The following ARHGEF26 variants were observed in gnomAD, a reference collection of about 807,000 sequenced individuals.
The protein encoded by ARHGEF26 is Rho guanine nucleotide exchange factor 26, also known as Rho guanine nucleotide exchange factor (GEF) 26.
A neutral mutation model predicts 89.4 loss-of-function variants in ARHGEF26; 59 were observed. The ratio of observed to expected loss-of-function variants is 0.66; its 90% CI spans 0.54 to 0.82. The LOEUF (loss-of-function observed/expected upper bound fraction) is 0.82. ARHGEF26 is among the 40% of genes least tolerant of loss of function. The pLI is 0.00. For synonymous variants in ARHGEF26, 500 were observed against 428.4 expected, an observed-to-expected ratio of 1.17 and a Z score of -2.06; for missense variants, 1,234 against 1,085.6, an observed-to-expected ratio of 1.14 and a Z score of -1.92.
intron 11 of ARHGEF26, among the ~76,000 whole-genome samples, chr3:154,235,181 C>T (rs1280779289): frequency 2.6e-5 from 4 of 152,024 alleles, no homozygotes; most frequent in African/African-American, 9.6e-5. Context: ...TGTGTTTTCA[C>T]TGGGTTGTGT....
chr3:154,136,197 A>C (rs1718990075), intron 4 of ARHGEF26, among the ~76,000 whole-genome samples: 1 of 98,920 alleles, frequency 1.0e-5, no homozygotes, highest in African/African-American at 3.4e-5. Context: ...TGTAGTCAGA[A>C]ATGGTTTGAT....
intron 3 of ARHGEF26, among the ~76,000 whole-genome samples, 161 bp downstream of exon 3, chr3:154,124,610 T>A (rs893483352): frequency 6.6e-6 from 1 of 152,170 alleles, no homozygotes; most frequent in African/African-American, 2.4e-5. Flanking sequence ...TAAATTTTTA[T>A]CTAGTAATAC....
At chr3:154,168,775 C>T (rs1712215481) in intron 6 of ARHGEF26, among the ~76,000 whole-genome samples, 1 of 151,864 alleles carries the variant, frequency 6.6e-6, no homozygotes, top group South Asian at 2.1e-4. Flanking sequence ...TCTTATTGTC[C>T]CACTTTTCTT....
intron 11 of ARHGEF26, among the ~76,000 whole-genome samples, chr3:154,235,336 T>TGTGGGTTTTGTCATAAA (rs1384495099): frequency 4.0e-4 from 61 of 152,212 alleles, no homozygotes; most frequent in African/African-American, 1.4e-3. Flanking sequence ...TTAAGGGTTT[T>TGTGGGTTTTGTCATAAA]GTGGGTTTTG....
At chr3:154,196,305 G>T (rs1714287341) in intron 9 of ARHGEF26, among the ~76,000 whole-genome samples, 1 of 152,174 alleles carries the variant, frequency 6.6e-6, no homozygotes, top group South Asian at 2.1e-4. Flanking sequence ...GTTAGCTACT[G>T]ATAGAAATAT....
At chr3:154,159,314 T>C (rs956436995) in intron 6 of ARHGEF26, among the ~76,000 whole-genome samples, 34 of 152,222 alleles carry the variant, frequency 2.2e-4, no homozygotes, top group Non-Finnish European at 4.6e-4. Flanking sequence ...AGTTAAAACA[T>C]TGGTATTCTT....
At chr3:154,211,808 C>T (rs1375432304) in intron 9 of ARHGEF26, among the ~76,000 whole-genome samples, 2 of 151,378 alleles carry the variant, frequency 1.3e-5, no homozygotes, top group African/African-American at 2.4e-5. Flanking sequence ...AGTTGCAGAA[C>T]AATATAAATA....
intron 6 of ARHGEF26, among the ~76,000 whole-genome samples, chr3:154,175,418 A>G (rs1033115568): frequency 2.7e-5 from 4 of 148,732 alleles, no homozygotes; most frequent in Non-Finnish European, 6.0e-5. Flanking sequence ...CTACGGTTAA[A>G]TTTCAAGCTA....
intron 11 of ARHGEF26, among the ~76,000 whole-genome samples, chr3:154,237,118 C>T (rs1322820981): frequency 6.6e-6 from 1 of 152,154 alleles, no homozygotes; most frequent in East Asian, 1.9e-4. Context: ...AAACTGAGCC[C>T]AGCAGCCATC....
At chr3:154,214,341 G>C (rs1715587271) in intron 9 of ARHGEF26, among the ~76,000 whole-genome samples, 1 of 152,192 alleles carries the variant, frequency 6.6e-6, no homozygotes, top group Non-Finnish European at 1.5e-5. Flanking sequence ...GAATTAAGCA[G>C]CCAGTAATCC....
intron 11 of ARHGEF26, among the ~76,000 whole-genome samples, chr3:154,234,914 C>T (rs546027458): frequency 0.025 from 3,766 of 152,200 alleles, 71 homozygotes; most frequent in Middle Eastern, 0.082. Flanking sequence ...TACAGGCGCT[C>T]ACCACCGCGC....
rs146166505 is a variant in ARHGEF26 at position 154,243,161 on chromosome 3, T to G, written c.2300+2582T>G. On this transcript the variant is annotated intron_variant, in intron 12 of 14. Coordinates refer to ENST00000465093, the MANE Select transcript of ARHGEF26 (RefSeq NM_015595.4). ...CAGAATTTTTAGTATGCCTGTGCTT[T>G]GGATTTTATATGACTTTAAGGATGA... Among the ~76,000 whole-genome samples the G allele has an allele frequency of 6.6e-3, 1,004 of 152,290 alleles. 12 individuals are homozygous for G. Among genetic ancestry groups the G allele is most frequent in the African/African-American group, 0.023 (967 of 41,568 alleles).
intron 5 of ARHGEF26, among the ~76,000 whole-genome samples, chr3:154,150,058 T>TTG (rs10616486): frequency 0.034 from 4,968 of 147,764 alleles, 98 homozygotes; most frequent in Non-Finnish European, 0.046. Flanking sequence ...CTGCATATTA[T>TTG]TGTGTGTGTG....
intron 4 of ARHGEF26, among the ~76,000 whole-genome samples, chr3:154,148,204 A>C (rs1423153357): frequency 6.6e-6 from 1 of 152,200 alleles, no homozygotes; most frequent in Non-Finnish European, 1.5e-5. Flanking sequence ...CCGCTTTGTC[A>C]TACCTTAGAA....
chr3:154,192,213 TA>T lies in ARHGEF26; in HGVS notation c.1770+799del, dbSNP rs1481970987. Among the ~76,000 whole-genome samples, 24 of 152,348 alleles carry T rather than the reference TA, an allele frequency of 1.6e-4. No individual in the cohort carries two copies. The South Asian group carries it at 3.5e-3, about 22-fold the overall frequency. The stretch of plus-strand genomic sequence containing the variant: ...ATATTTTGTTATGATTTTCCTACTT[TA>T]AAATTGGATCATAATGTTGATATAA... On this transcript the variant is annotated intron_variant, in intron 8 of 14. Coordinates refer to ENST00000465093, the MANE Select transcript of ARHGEF26 (RefSeq NM_015595.4).
In ARHGEF26 at chr3:154,255,904, GT is replaced by G; in HGVS notation, c.*435del. 1 of 989,120 alleles carries G rather than the reference GT, an allele frequency of 1.0e-6. No homozygotes were observed. The highest frequency in any genetic ancestry group is 1.2e-6 in the Non-Finnish European group (1 of 832,430). 61.3% of individuals were successfully genotyped at this position (989,120 alleles called of 1,614,324 possible). On this transcript the variant is annotated 3_prime_UTR_variant, in exon 15 of 15. Coordinates refer to ENST00000465093, the MANE Select transcript of ARHGEF26 (RefSeq NM_015595.4). ...ATTGTATATCTGTAAAGAATGTCCA[GT>G]TTTGTAAATATTTCCCTGCCTTTTT...
intron 2 of ARHGEF26, 132 bp downstream of exon 2, chr3:154,123,207 T>A: frequency 7.4e-7 from 1 of 1,345,798 alleles, no homozygotes; most frequent in Non-Finnish European, 1.0e-6. Context: ...TCTTGATTGC[T>A]AGTGTACATC....
At chr3:154,121,146 A>C (rs1717863025), upstream of ARHGEF26, 1 of 150,842 alleles carries the variant, frequency 6.6e-6, no homozygotes, top group Non-Finnish European at 1.5e-5. Context: ...GCCCCCGGCA[A>C]CGACCCCGCG....
Position 154,122,827 on chromosome 3 carries a change from C to CGCT in ARHGEF26, c.837_838insTGC (p.Arg279_Ser280insCys), listed in dbSNP as rs1205085885. 1.2e-6 allele frequency: 2 copies of CGCT among 1,612,560 alleles called. No individual in the cohort carries two copies. Among genetic ancestry groups the CGCT allele is most frequent in the African/African-American group, 2.7e-5 (2 of 74,922 alleles). Reference sequence around the variant, plus strand: ...GCCCCACAAGAGACTCCTCAAGGTGCGCAGCATGGTGGAGGGCCTAGGAGG... The same window carrying CGCT: ...GCCCCACAAGAGACTCCTCAAGGTGCGCTGCAGCATGGTGGAGGGCCTAGGAGG... On this transcript the variant is annotated inframe_insertion, in exon 2 of 15. Transcript: ENST00000465093.
Sources: gnomAD v4.1 joint callset for allele counts (sites outside exome capture counted in the v4.1 genomes callset) on GRCh38, gnomAD v4.1.1 for gene constraint, MANE v1.5 for transcripts, NCBI Gene and HGNC (gene_info 2026-07-23, HGNC 2026-07-21) for gene names.